The following LARS1 variants were observed in gnomAD, a reference collection of about 807,000 sequenced individuals.
The protein encoded by LARS1 is leucine--tRNA ligase, cytoplasmic.
A neutral mutation model predicts 162.8 loss-of-function variants in LARS1; 100 were observed. That is an observed-to-expected ratio of 0.61 (90% CI 0.52 to 0.73). The LOEUF is 0.73. LARS1 is among the 30% of genes least tolerant of loss of function. The pLI is 0.00. For missense variants in LARS1, 1,258 were observed against 1,408.9 expected (o/e 0.89, Z 1.71); for synonymous variants, 457 against 462.8 (o/e 0.99, Z 0.16).
Position 146,135,596 on chromosome 5 carries a change from C to T in LARS1, c.2212+5G>A. ...AGAACAGCAATAAGAAAAATGTTTA[C>T]TCACCATCTGCTGAAAATTTGTCAA... On this transcript the variant is annotated splice_donor_5th_base_variant and intron_variant, in intron 22 of 31. Coordinates refer to ENST00000394434, the MANE Select transcript of LARS1 (RefSeq NM_020117.11). 1 of 1,595,466 alleles carries T rather than the reference C, an allele frequency of 6.3e-7. No individual in the cohort carries two copies. Among genetic ancestry groups the T allele is most frequent in the Non-Finnish European group, 8.6e-7 (1 of 1,169,478 alleles).
intron 15 of LARS1, among the ~76,000 whole-genome samples, chr5:146,146,256 G>C (rs186576563): frequency 6.6e-6 from 1 of 151,240 alleles, no homozygotes; most frequent in Admixed American, 6.6e-5. Flanking sequence ...CAGGAGAATC[G>C]CTTGAGCCAG....
chr5:146,142,435 G>A (rs1432591787), intron 20 of LARS1, among the ~76,000 whole-genome samples: 1 of 152,112 alleles, frequency 6.6e-6, no homozygotes, highest in Non-Finnish European at 1.5e-5. Context: ...AGCTACTTGA[G>A]GAACTAGAGG....
chr5:146,122,434 T>C lies in LARS1; in HGVS notation c.3192+58A>G, dbSNP rs371997669. On this transcript the variant is annotated intron_variant, in intron 30 of 31. Coordinates refer to ENST00000394434, the MANE Select transcript of LARS1 (RefSeq NM_020117.11). ...TTAAATGTGGGTTTAGATGTAATGA[T>C]CTCTAGGTCTCTTCTGGTTTTAAAA... The C allele has an allele frequency of 5.4e-6, 5 of 925,294 alleles. No individual in the cohort carries two copies. In the East Asian group the frequency reaches 9.8e-5, roughly 18 times the overall value. 57.3% of individuals were successfully genotyped at this position (925,294 alleles called of 1,614,324 possible). A position where few individuals can be genotyped will look rare whatever the true frequency, so the allele number is the denominator to read the frequency against.
chr5:146,114,413 A>C, intron 31 of LARS1, 102 bp from the exon 32 acceptor site: 1 of 884,788 alleles, frequency 1.1e-6, no homozygotes, highest in Non-Finnish European at 1.7e-6. Context: ...TGTTATATCT[A>C]AACAAAAATA....
intron 12 of LARS1, 50 bp from the exon 13 acceptor site, chr5:146,153,277 G>A (rs1217479764): frequency 8.0e-7 from 1 of 1,251,270 alleles, no homozygotes; most frequent in South Asian, 1.2e-5. Flanking sequence ...TTTACTGGGA[G>A]AATCATTGAG....
At chr5:146,175,937 T>G (rs1279608491) in intron 2 of LARS1, among the ~76,000 whole-genome samples, 1 of 151,880 alleles carries the variant, frequency 6.6e-6, no homozygotes, top group Non-Finnish European at 1.5e-5. Context: ...GAAGGATCAC[T>G]TGAAGCCAGG....
At chr5:146,168,058 A>G in intron 5 of LARS1, 70 bp downstream of exon 5, 1 of 1,285,712 alleles carries the variant, frequency 7.8e-7, no homozygotes, top group Non-Finnish European at 1.1e-6. Context: ...CTGTGCTAGT[A>G]CTGGGAATGC....
At chr5:146,149,459 T>G (rs527826678) in intron 15 of LARS1, among the ~76,000 whole-genome samples, 163 bp downstream of exon 15, 1 of 152,286 alleles carries the variant, frequency 6.6e-6, no homozygotes, top group South Asian at 2.1e-4. Flanking sequence ...AGATGGGATG[T>G]TCAAGTTAAA....
Position 146,120,481 on chromosome 5 carries a change from AC to A in LARS1, c.3214del (p.Val1072Ter). On this transcript the variant is annotated frameshift_variant, in exon 31 of 32. Transcript: ENST00000394434. LOFTEE classifies it high-confidence loss of function. The part of the protein sequence containing the change: ...RIEPGVSVSL[V>X]NPQPSNGHFS... ...GTGGCCATTGGATGGCTGGGGATTCACCAGAGAAACGGACACACCAGGCTAG... is the reference window on the plus strand; with the variant it reads ...GTGGCCATTGGATGGCTGGGGATTCACAGAGAAACGGACACACCAGGCTAG... 6.2e-7 allele frequency: 1 copy of A among 1,613,092 alleles called. No homozygotes were observed. The highest frequency in any genetic ancestry group is 8.5e-7 in the Non-Finnish European group (1 of 1,179,358).
chr5:146,143,672 C>A (rs574464138), intron 18 of LARS1, 122 bp from the exon 19 acceptor site: 1 of 866,524 alleles, frequency 1.2e-6, no homozygotes. Context: ...TTAAATTATT[C>A]TTGAATAATT....
At chr5:146,173,550 T>A (rs1029351450) in intron 2 of LARS1, among the ~76,000 whole-genome samples, 1 of 151,922 alleles carries the variant, frequency 6.6e-6, no homozygotes, top group African/African-American at 2.4e-5. Context: ...TTTTTTTTTT[T>A]TTTTAATTTT....
In LARS1 at chr5:146,132,880, T is replaced by C. The variant is rs1186530205; in HGVS notation, c.2396+18A>G. 9 of 1,601,112 alleles carry C rather than the reference T, an allele frequency of 5.6e-6. No individual in the cohort carries two copies. The highest frequency in any genetic ancestry group is 1.1e-5 in the South Asian group (1 of 89,404). ...TAAGTAACTCTAAAACACAAAATGA[T>C]TGGGATCTACAGATTACCTGGCAAA... is the stretch of plus-strand genomic sequence containing the variant. On this transcript the variant is annotated intron_variant, in intron 23 of 31. Coordinates refer to ENST00000394434, the MANE Select transcript of LARS1 (RefSeq NM_020117.11).
At chr5:146,178,424 G>A (rs1212172175) in intron 1 of LARS1, among the ~76,000 whole-genome samples, 1 of 151,974 alleles carries the variant, frequency 6.6e-6, no homozygotes, top group East Asian at 1.9e-4. Context: ...GACAAGCCTG[G>A]CCAACGTGGT....
chr5:146,176,471 AG>A (rs1754584524), intron 2 of LARS1, among the ~76,000 whole-genome samples: 1 of 151,590 alleles, frequency 6.6e-6, no homozygotes, highest in Non-Finnish European at 1.5e-5. Flanking sequence ...AAAAAAAGAA[AG>A]AAAGAAAAAG....
At chr5:146,126,401 A>G (rs1752042613) in intron 28 of LARS1, 34 bp downstream of exon 28, 2 of 1,308,788 alleles carry the variant, frequency 1.5e-6, no homozygotes, top group African/African-American at 2.9e-5. Context: ...ACCATTGCTC[A>G]TGTGGTCACA....
intron 22 of LARS1, among the ~76,000 whole-genome samples, chr5:146,133,914 G>A (rs1417147585): frequency 2.0e-5 from 3 of 152,106 alleles, no homozygotes; most frequent in Admixed American, 6.6e-5. Context: ...GCGCGATCTC[G>A]GCTCAGTGCA....
At chr5:146,115,750 A>G (rs965394841) in intron 31 of LARS1, among the ~76,000 whole-genome samples, 2 of 152,190 alleles carry the variant, frequency 1.3e-5, no homozygotes, top group Non-Finnish European at 2.9e-5. Context: ...ACCAGAAATG[A>G]CTACAAATGC....
At position 146,119,702 on chromosome 5, in the gene LARS1, C is replaced by T. The variant is rs116111991; in HGVS notation, c.3325+669G>A. 5.1e-3 allele frequency among the ~76,000 whole-genome samples: 771 copies of T among 152,130 alleles called. 4 individuals carry two copies. The highest frequency in any genetic ancestry group is 0.018 in the African/African-American group (746 of 41,494). ...ACATTGAATCTAATCACAAAAGATG[C>T]AGACTTATTCTTGATAATAAGTTAA... is the stretch of plus-strand genomic sequence containing the variant. On this transcript the variant is annotated intron_variant, in intron 31 of 31. Transcript: ENST00000394434.
chr5:146,125,262 G>T (rs942796185), intron 28 of LARS1, among the ~76,000 whole-genome samples: 4 of 151,798 alleles, frequency 2.6e-5, no homozygotes, highest in African/African-American at 9.7e-5. Flanking sequence ...GTCAACACAG[G>T]ATTCTAAATT....
Sources: gnomAD v4.1 joint callset for allele counts (sites outside exome capture counted in the v4.1 genomes callset) on GRCh38, gnomAD v4.1.1 for gene constraint, MANE v1.5 for transcripts, NCBI Gene and HGNC (gene_info 2026-07-23, HGNC 2026-07-21) for gene names.